Variants in PRIM2 observed in about 807,000 individuals in gnomAD.
PRIM2 encodes the protein DNA primase subunit 2.
PRIM2 carries 39 observed loss-of-function variants against 67.3 expected under a neutral mutation model. The observed-to-expected ratio is 0.58, with a 90% CI of 0.45 to 0.76. PRIM2 has a LOEUF of 0.76. Among genes scored for constraint, PRIM2 ranks in the 30% least tolerant of loss-of-function variants. The pLI is 0.00. For synonymous variants in PRIM2, 143 were observed against 198.7 expected (o/e 0.72, Z 2.36); for missense variants, 398 against 598.7 (o/e 0.66, Z 3.50).
the PRIM2 span, among the ~76,000 whole-genome samples, chr6:57,290,079 T>G: frequency 6.9e-6 from 1 of 144,882 alleles, no homozygotes; most frequent in African/African-American, 2.6e-5. Flanking sequence ...AACACACACA[T>G]AGGCTCCAAA....
intron 7 of PRIM2, among the ~76,000 whole-genome samples, chr6:57,485,862 C>G (rs1159699411): frequency 6.6e-6 from 1 of 152,172 alleles, no homozygotes; most frequent in Non-Finnish European, 1.5e-5. Flanking sequence ...CCTGGCTTCC[C>G]CCTTAAAGGA....
intron 12 of PRIM2, among the ~76,000 whole-genome samples, chr6:57,616,828 A>G (rs1197222655): frequency 2.0e-5 from 3 of 152,214 alleles, no homozygotes; most frequent in Non-Finnish European, 2.9e-5. Context: ...CTAGAAACCA[A>G]TAATCTGCTT....
chr6:57,480,189 G>A (rs1369928172), intron 7 of PRIM2, among the ~76,000 whole-genome samples: 1 of 152,124 alleles, frequency 6.6e-6, no homozygotes, highest in African/African-American at 2.4e-5. Flanking sequence ...AGTGTGAGGA[G>A]GTTGAAGTCT....
chr6:57,508,486 T>C (rs1554347417), intron 8 of PRIM2, among the ~76,000 whole-genome samples: 2 of 152,214 alleles, frequency 1.3e-5, no homozygotes, highest in African/African-American at 4.8e-5. Flanking sequence ...AAAATAATGC[T>C]ATATGTTAAC....
intron 7 of PRIM2, among the ~76,000 whole-genome samples, chr6:57,440,044 T>G (rs897783222): frequency 2.0e-5 from 3 of 151,334 alleles, no homozygotes; most frequent in African/African-American, 7.3e-5. Context: ...TTCGGAAATT[T>G]CAGAAGATAC....
At chr6:57,624,558 C>T (rs1329445211) in intron 12 of PRIM2, among the ~76,000 whole-genome samples, 2 of 152,168 alleles carry the variant, frequency 1.3e-5, no homozygotes, top group African/African-American at 4.8e-5. Context: ...GAAGAGAATG[C>T]TTCATATAAG....
chr6:57,275,132 C>A, the PRIM2 span, among the ~76,000 whole-genome samples: 1 of 151,970 alleles, frequency 6.6e-6, no homozygotes, highest in African/African-American at 2.4e-5. Flanking sequence ...AGATGTAGAT[C>A]AAAAATTCTG....
chr6:57,603,996 T>G (rs2127492277), intron 11 of PRIM2, among the ~76,000 whole-genome samples: 1 of 152,308 alleles, frequency 6.6e-6, no homozygotes, highest in Admixed American at 6.5e-5. Context: ...TGAACATTGT[T>G]GGTATGTAGA....
intron 7 of PRIM2, among the ~76,000 whole-genome samples, chr6:57,384,320 T>A (rs1770060573): frequency 6.6e-6 from 1 of 152,168 alleles, no homozygotes. Flanking sequence ...TGTGGCAACA[T>A]AACTCAAGTC....
chr6:57,566,186 T>TC (rs1353015461), intron 10 of PRIM2, among the ~76,000 whole-genome samples: 3 of 151,672 alleles, frequency 2.0e-5, no homozygotes, highest in Admixed American at 1.3e-4. Flanking sequence ...TTTTTTTTTT[T>TC]TTCTGTAAAT....
chr6:57,594,898 T>A (rs1382717743), intron 10 of PRIM2, among the ~76,000 whole-genome samples: 1 of 152,166 alleles, frequency 6.6e-6, no homozygotes, highest in African/African-American at 2.4e-5. Context: ...CCAGAATATA[T>A]AAAGAATTAT....
At chr6:57,390,618 A>G (rs1424045325) in intron 7 of PRIM2, among the ~76,000 whole-genome samples, 3 of 152,066 alleles carry the variant, frequency 2.0e-5, no homozygotes, top group Non-Finnish European at 2.9e-5. Context: ...TTTAGCTCTC[A>G]CTAAGTGAGA....
the PRIM2 span, among the ~76,000 whole-genome samples, chr6:57,239,548 A>G: frequency 6.6e-6 from 1 of 152,118 alleles, no homozygotes; most frequent in African/African-American, 2.4e-5. Context: ...CAGCCTGGGC[A>G]ACATGGCGAG....
intron 7 of PRIM2, among the ~76,000 whole-genome samples, chr6:57,417,115 C>G (rs1771289152): frequency 6.6e-6 from 1 of 151,940 alleles, no homozygotes; most frequent in Non-Finnish European, 1.5e-5. Flanking sequence ...TACAGGCATG[C>G]ACCACCATAC....
At chr6:57,418,387 T>G (rs76928678) in intron 7 of PRIM2, among the ~76,000 whole-genome samples, 4,365 of 63,690 alleles carry the variant, frequency 0.069, 562 homozygotes, top group Non-Finnish European at 0.087. Context: ...TGTGTGGTTT[T>G]TTTTTTTTTT....
chr6:57,276,890 A>G, the PRIM2 span, among the ~76,000 whole-genome samples: 1 of 149,878 alleles, frequency 6.7e-6, no homozygotes, highest in African/African-American at 2.4e-5. Context: ...CCCTGCCTCA[A>G]AAAAAAAAAG....
intron 8 of PRIM2, among the ~76,000 whole-genome samples, chr6:57,528,123 C>G (rs1774801319): frequency 6.9e-6 from 1 of 145,804 alleles, no homozygotes; most frequent in African/African-American, 2.6e-5. Flanking sequence ...GCCACCACAC[C>G]CAGCTAATTT....
the PRIM2 span, among the ~76,000 whole-genome samples, chr6:57,291,650 G>A: frequency 1.3e-5 from 2 of 152,148 alleles, no homozygotes; most frequent in Non-Finnish European, 2.9e-5. Context: ...TATTCACCAC[G>A]ATCAAGTTGG....
At chr6:57,619,896 G>A (rs1776821323) in intron 12 of PRIM2, among the ~76,000 whole-genome samples, 1 of 152,088 alleles carries the variant, frequency 6.6e-6, no homozygotes, top group Non-Finnish European at 1.5e-5. Context: ...ACCTAGACAT[G>A]CAAATATAAG....
Sources: gnomAD v4.1 joint callset for allele counts (sites outside exome capture counted in the v4.1 genomes callset) on GRCh38, gnomAD v4.1.1 for gene constraint, MANE v1.5 for transcripts, NCBI Gene and HGNC (gene_info 2026-07-23, HGNC 2026-07-21) for gene names.